Variants in ARK2N observed in about 807,000 individuals in gnomAD.
The protein encoded by ARK2N is protein ARK2N.
chr18:46,227,467 G>A, the ARK2N span, among the ~76,000 whole-genome samples: 1 of 151,904 alleles, frequency 6.6e-6, no homozygotes, highest in Non-Finnish European at 1.5e-5. Context: ...TTTTAGAACT[G>A]GTTTTATGAG....
chr18:46,222,144 A>C, the ARK2N span, among the ~76,000 whole-genome samples: 2 of 152,226 alleles, frequency 1.3e-5, no homozygotes, highest in Non-Finnish European at 2.9e-5. Context: ...GTCTGACCCC[A>C]GGCATCAGCT....
At chr18:46,194,982 AG>A in the ARK2N span, among the ~76,000 whole-genome samples, 1 of 150,842 alleles carries the variant, frequency 6.6e-6, no homozygotes, top group Non-Finnish European at 1.5e-5. Flanking sequence ...TTGTAGTTTT[AG>A]TAGTGACGGG....
the ARK2N span, among the ~76,000 whole-genome samples, chr18:46,186,438 C>G: frequency 6.6e-6 from 1 of 151,300 alleles, no homozygotes; most frequent in Admixed American, 6.6e-5. Context: ...TCATGATTCT[C>G]CTGCCTTGGT....
chr18:46,255,405 T>TTTTTCTTTTC, the ARK2N span, among the ~76,000 whole-genome samples: 96 of 148,862 alleles, frequency 6.4e-4, no homozygotes, highest in Middle Eastern at 3.5e-3. Context: ...TTTCTTTTTC[T>TTTTTCTTTTC]TTTTCTTTTC....
At chr18:46,214,197 T>C in the ARK2N span, among the ~76,000 whole-genome samples, 4 of 152,240 alleles carry the variant, frequency 2.6e-5, no homozygotes, top group Non-Finnish European at 5.9e-5. Flanking sequence ...TAAAGGATTT[T>C]GCAAATATTT....
At chr18:46,176,481 C>T in the ARK2N span, among the ~76,000 whole-genome samples, 1 of 149,510 alleles carries the variant, frequency 6.7e-6, no homozygotes, top group East Asian at 2.0e-4. Context: ...TTTAAAGACA[C>T]TCTTGCTCTG....
At chr18:46,212,653 A>C in the ARK2N span, among the ~76,000 whole-genome samples, 117 of 152,252 alleles carry the variant, frequency 7.7e-4, no homozygotes, top group African/African-American at 2.8e-3. Context: ...ACCGGTTACT[A>C]ATTTAGGTAG....
chr18:46,241,108 AT>A, the ARK2N span, among the ~76,000 whole-genome samples: 1 of 152,260 alleles, frequency 6.6e-6, no homozygotes, highest in African/African-American at 2.4e-5. Flanking sequence ...TTACAAAAAA[AT>A]GAGTTATAGT....
At chr18:46,263,967 A>C in the ARK2N span, 12 of 152,484 alleles carry the variant, frequency 7.9e-5, no homozygotes, top group South Asian at 2.5e-3. Context: ...GTTGGGAAGA[A>C]TATGAAAAGT....
the ARK2N span, among the ~76,000 whole-genome samples, chr18:46,202,700 A>G: frequency 6.6e-6 from 1 of 151,868 alleles, no homozygotes; most frequent in Non-Finnish European, 1.5e-5. Context: ...AAGGAGGAGA[A>G]TCGCTTGAAC....
the ARK2N span, chr18:46,217,450 T>C: frequency 6.6e-6 from 1 of 152,208 alleles, no homozygotes; most frequent in Non-Finnish European, 1.5e-5. Context: ...TGGCATTGAA[T>C]AGGTCATGGC....
At chr18:46,253,757 A>G in the ARK2N span, 3 of 1,613,560 alleles carry the variant, frequency 1.9e-6, no homozygotes, top group African/African-American at 1.3e-5. Flanking sequence ...GCGCCACTCA[A>G]TGAAGAAATT....
chr18:46,173,872 C>T, the ARK2N span: 1 of 152,112 alleles, frequency 6.6e-6, no homozygotes, highest in African/African-American at 2.4e-5. Flanking sequence ...CCCGGGGAGC[C>T]GGCGCCTTCA....
the ARK2N span, among the ~76,000 whole-genome samples, chr18:46,209,315 C>T: frequency 2.0e-5 from 3 of 149,484 alleles, no homozygotes; most frequent in African/African-American, 5.0e-5. Flanking sequence ...TTTTACAAAC[C>T]CCCAAGCCTG....
chr18:46,254,672 G>A, the ARK2N span, among the ~76,000 whole-genome samples: 2 of 152,128 alleles, frequency 1.3e-5, no homozygotes, highest in Admixed American at 6.5e-5. Context: ...AATCATCGAT[G>A]TCTGTTTGTG....
the ARK2N span, among the ~76,000 whole-genome samples, chr18:46,239,133 A>G: frequency 6.6e-6 from 1 of 152,222 alleles, no homozygotes; most frequent in Admixed American, 6.5e-5. Flanking sequence ...GCATGTATCT[A>G]TTCTACAAGC....
the ARK2N span, among the ~76,000 whole-genome samples, chr18:46,245,024 C>T: frequency 3.3e-5 from 5 of 151,962 alleles, no homozygotes; most frequent in Middle Eastern, 3.5e-3. Context: ...TCTGCCTCCT[C>T]GTTCAAGTGA....
the ARK2N span, among the ~76,000 whole-genome samples, chr18:46,243,611 A>G: frequency 6.6e-6 from 1 of 152,240 alleles, no homozygotes; most frequent in Admixed American, 6.5e-5. Context: ...TAGAGAAGCT[A>G]CTGATCAACA....
chr18:46,249,595 G>A, the ARK2N span, among the ~76,000 whole-genome samples: 1 of 152,218 alleles, frequency 6.6e-6, no homozygotes. Context: ...ACTCTCTGCA[G>A]ATGGCCTTGC....
Sources: allele counts gnomAD v4.1 joint callset (sites outside exome capture counted in the v4.1 genomes callset), GRCh38; gene constraint gnomAD v4.1.1; transcripts MANE v1.5; gene names NCBI Gene and HGNC (gene_info 2026-07-23, HGNC 2026-07-21).